The following CFAP96 variants were observed in gnomAD, a reference collection of about 807,000 sequenced individuals.
CFAP96 encodes the protein cilia-and flagella-associated protein 96.
chr4:185,409,068 G>C, the CFAP96 span, among the ~76,000 whole-genome samples: 1 of 152,068 alleles, frequency 6.6e-6, no homozygotes, highest in African/African-American at 2.4e-5. Context: ...TTGGGCCCAA[G>C]CTTCTACAAC....
the CFAP96 span, among the ~76,000 whole-genome samples, chr4:185,441,311 T>TC: frequency 6.6e-6 from 1 of 152,206 alleles, no homozygotes; most frequent in Non-Finnish European, 1.5e-5. Flanking sequence ...ACTTTTTTTT[T>TC]CTGTAAATTG....
the CFAP96 span, among the ~76,000 whole-genome samples, chr4:185,419,368 G>A: frequency 6.6e-6 from 1 of 152,160 alleles, no homozygotes; most frequent in Non-Finnish European, 1.5e-5. Context: ...CTGACCTCGT[G>A]ATCCACCCGC....
chr4:185,408,464 T>C, the CFAP96 span: 1 of 1,602,604 alleles, frequency 6.2e-7, no homozygotes, highest in Non-Finnish European at 8.5e-7. Flanking sequence ...CACAGTAAAA[T>C]ATTAACTTAG....
chr4:185,426,408 C>T, the CFAP96 span: 2 of 153,364 alleles, frequency 1.3e-5, no homozygotes, highest in African/African-American at 2.4e-5. Context: ...TGACTTGGTC[C>T]TCGCGGACGC....
At chr4:185,425,244 T>C in the CFAP96 span, among the ~76,000 whole-genome samples, 1 of 152,064 alleles carries the variant, frequency 6.6e-6, no homozygotes, top group African/African-American at 2.4e-5. Context: ...AGTTGGGGGT[T>C]CCTGGAGGAA....
the CFAP96 span, chr4:185,414,012 AC>A: frequency 8.9e-6 from 6 of 673,510 alleles, no homozygotes; most frequent in African/African-American, 1.1e-4. Context: ...TAATTCACTA[AC>A]ATCAAAGATG....
At chr4:185,412,858 T>C in the CFAP96 span, among the ~76,000 whole-genome samples, 2 of 152,268 alleles carry the variant, frequency 1.3e-5, no homozygotes, top group South Asian at 4.1e-4. Flanking sequence ...GGATGCCTTA[T>C]AAGGTCCTTT....
At chr4:185,421,476 T>C in the CFAP96 span, among the ~76,000 whole-genome samples, 1 of 152,200 alleles carries the variant, frequency 6.6e-6, no homozygotes, top group African/African-American at 2.4e-5. Context: ...CTCACTCCTA[T>C]CAGTTCACAA....
the CFAP96 span, chr4:185,436,122 A>G: frequency 5.2e-6 from 8 of 1,551,384 alleles, no homozygotes; most frequent in African/African-American, 8.2e-5. Context: ...ACCTCGAGAA[A>G]AATACAAGGC....
chr4:185,412,361 C>T, the CFAP96 span, among the ~76,000 whole-genome samples: 2 of 152,216 alleles, frequency 1.3e-5, no homozygotes, highest in African/African-American at 4.8e-5. Flanking sequence ...GATCTGCTGC[C>T]CTGAGTACAC....
chr4:185,411,675 A>G, the CFAP96 span, among the ~76,000 whole-genome samples: 2 of 152,214 alleles, frequency 1.3e-5, no homozygotes, highest in Admixed American at 1.3e-4. Context: ...GGGGGAAAAA[A>G]GAGGGAGAAA....
chr4:185,417,144 T>C, the CFAP96 span, among the ~76,000 whole-genome samples: 1 of 152,238 alleles, frequency 6.6e-6, no homozygotes, highest in African/African-American at 2.4e-5. Flanking sequence ...GTCTCTTTCA[T>C]ACCATGTGCT....
chr4:185,428,086 C>CA, the CFAP96 span, among the ~76,000 whole-genome samples: 48 of 141,390 alleles, frequency 3.4e-4, no homozygotes, highest in African/African-American at 6.2e-4. Context: ...AACTCTGTCT[C>CA]AAAAAAAAAA....
the CFAP96 span, chr4:185,418,645 T>C: frequency 2.5e-6 from 4 of 1,613,828 alleles, no homozygotes; most frequent in African/African-American, 5.3e-5. Context: ...CCAGGAATGG[T>C]GTTTATGTCA....
At chr4:185,426,949 A>G in the CFAP96 span, among the ~76,000 whole-genome samples, 2 of 149,360 alleles carry the variant, frequency 1.3e-5, no homozygotes, top group Non-Finnish European at 3.0e-5. Context: ...TTGTAGTCCC[A>G]GCTACTCGGG....
the CFAP96 span, chr4:185,425,775 C>T: frequency 6.5e-7 from 1 of 1,546,766 alleles, no homozygotes; most frequent in Non-Finnish European, 8.8e-7. Flanking sequence ...CCGGCAGGAC[C>T]AGCTCCTTTC....
the CFAP96 span, among the ~76,000 whole-genome samples, chr4:185,434,594 T>C: frequency 2.0e-5 from 3 of 152,176 alleles, no homozygotes; most frequent in Admixed American, 2.0e-4. Flanking sequence ...TTTCCTTTTT[T>C]AAAATAATTC....
chr4:185,416,546 T>A, the CFAP96 span, among the ~76,000 whole-genome samples: 2 of 152,192 alleles, frequency 1.3e-5, no homozygotes, highest in African/African-American at 4.8e-5. Context: ...TCAAGCACTC[T>A]AGGGTTGAAG....
chr4:185,422,404 G>A, the CFAP96 span: 4 of 1,038,362 alleles, frequency 3.9e-6, no homozygotes, highest in Non-Finnish European at 5.8e-6. Flanking sequence ...CTCTCTCTCA[G>A]TTTCATTTGC....
Sources: allele counts gnomAD v4.1 joint callset (sites outside exome capture counted in the v4.1 genomes callset), GRCh38; gene constraint gnomAD v4.1.1; transcripts MANE v1.5; gene names NCBI Gene and HGNC (gene_info 2026-07-23, HGNC 2026-07-21).